The following TBC1D4 variants were observed in gnomAD, a reference collection of about 807,000 sequenced individuals.
TBC1D4 encodes TBC1 domain family member 4, also known as TBC (Tre-2, BUB2, CDC16) domain-containing protein.
In TBC1D4, 121 loss-of-function variants were observed where a neutral mutation model predicts 142.5. The ratio of observed to expected loss-of-function variants is 0.85; its 90% CI spans 0.73 to 0.99. The LOEUF (loss-of-function observed/expected upper bound fraction) is 0.99, where lower values mean the gene tolerates loss of function less well. Ranked by LOEUF, TBC1D4 falls within the 50% of genes least tolerant of loss-of-function variation. TBC1D4 has a pLI of 0.00. For synonymous variants in TBC1D4, 630 were observed against 628.2 expected, an observed-to-expected ratio of 1.00 and a Z score of -0.04; for missense variants, 1,475 against 1,606.6, an observed-to-expected ratio of 0.92 and a Z score of 1.40.
chr13:75,393,417 G>A (rs1373185992), intron 1 of TBC1D4, among the ~76,000 whole-genome samples: 3 of 152,008 alleles, frequency 2.0e-5, no homozygotes, highest in African/African-American at 7.3e-5. Context: ...GCCAGGCTCC[G>A]CTCCAAACAT....
intron 1 of TBC1D4, among the ~76,000 whole-genome samples, chr13:75,448,369 G>A (rs1407940909): frequency 1.3e-5 from 2 of 151,894 alleles, no homozygotes; most frequent in Admixed American, 6.6e-5. Flanking sequence ...GGAGTTCAAC[G>A]CCAGCCTGAC....
Position 75,299,627 on chromosome 13 carries a change from A to T in TBC1D4, c.2912-53T>A, listed in dbSNP as rs1170981154. On this transcript the variant is annotated intron_variant, in intron 16 of 20. Transcript: ENST00000377636. The stretch of plus-strand genomic sequence containing the variant: ...TTTGAAATGTCCTCATGCCTTGGAG[A>T]CAACAGTGAAATTGCAATTCAGTGA... 8 of 1,606,552 alleles carry T rather than the reference A, an allele frequency of 5.0e-6. No individual in the cohort carries two copies. The East Asian group carries it at 1.1e-4, about 22-fold the overall frequency.
At chr13:75,459,068 A>G (rs1887859694) in intron 1 of TBC1D4, among the ~76,000 whole-genome samples, 1 of 152,004 alleles carries the variant, frequency 6.6e-6, no homozygotes. Flanking sequence ...TAACCTAATT[A>G]CCAGCTCACT....
intron 1 of TBC1D4, among the ~76,000 whole-genome samples, chr13:75,386,364 A>G (rs1884166905): frequency 6.7e-6 from 1 of 150,080 alleles, no homozygotes; most frequent in South Asian, 2.1e-4. Context: ...TGCTTTTAAT[A>G]CAGATTTGCT....
chr13:75,309,860 T>C, intron 14 of TBC1D4, 82 bp downstream of exon 14: 1 of 1,373,774 alleles, frequency 7.3e-7, no homozygotes, highest in East Asian at 2.3e-5. Flanking sequence ...GTGCGGATAG[T>C]ATGTATGGGG....
At chr13:75,331,413 C>T (rs7322783) in intron 8 of TBC1D4, among the ~76,000 whole-genome samples, 120,907 of 152,018 alleles carry the variant, frequency 0.8, 49,505 homozygotes, top group South Asian at 0.95. Context: ...GGCGGGAAGA[C>T]TGTTTGAGCC....
rs188275064 is a variant in TBC1D4 at position 75,406,836 on chromosome 13, C to T, written c.499-44229G>A. On this transcript the variant is annotated intron_variant, in intron 1 of 20. Coordinates refer to ENST00000377636, the MANE Select transcript of TBC1D4 (RefSeq NM_014832.5). The stretch of plus-strand genomic sequence containing the variant: ...TTTATGGTAGTTTAATGTACAAAAA[C>T]GGAATCCAAAGCCTTGGACTTGGAA... Among the ~76,000 whole-genome samples, 82 of 152,208 alleles carry T rather than the reference C, an allele frequency of 5.4e-4. 1 individual carries two copies. The South Asian group carries it at 0.012, about 23-fold the overall frequency.
intron 17 of TBC1D4, among the ~76,000 whole-genome samples, chr13:75,297,737 A>C (rs944122980): frequency 9.9e-5 from 15 of 151,298 alleles, no homozygotes; most frequent in African/African-American, 2.9e-4. Context: ...TGCCTGGGTG[A>C]CAGAGCAAGA....
At position 75,362,072 on chromosome 13, in the gene TBC1D4, T is replaced by G. The variant is rs371090425; in HGVS notation, c.1034A>C (p.His345Pro). The G allele has an allele frequency of 4.3e-5, 70 of 1,613,888 alleles. No individual in the cohort carries two copies. In the East Asian group the frequency reaches 4.7e-4, roughly 11 times the overall value. ...PRRRHASAPS[H>P]VQPSDSEKNR... ...CTTCTCCGAGTCCGAGGGCTGGACG[T>G]GACTGGGTGCGCTCGCGTGTCTCCG... is the stretch of plus-strand genomic sequence containing the variant. Residue 345 changes from histidine (H) to proline (P), a missense_variant, in exon 2 of 21, where the codon CAC (histidine) becomes CCC (proline). Physicochemically the swap from His to Pro is moderately conservative, Grantham distance 77. Transcript: ENST00000377636. The surrounding 1 kb of genome is among the most constrained non-coding windows in gnomAD (Gnocchi z 4.2).
At chr13:75,324,747 A>C (rs531695872) in intron 10 of TBC1D4, among the ~76,000 whole-genome samples, 60 of 152,360 alleles carry the variant, frequency 3.9e-4, no homozygotes, top group African/African-American at 1.3e-3. Context: ...AAATAATTAC[A>C]GGAAACAAGT....
intron 1 of TBC1D4, among the ~76,000 whole-genome samples, chr13:75,456,492 G>T (rs935252656): frequency 1.3e-5 from 2 of 151,070 alleles, no homozygotes; most frequent in South Asian, 2.1e-4. Flanking sequence ...CAAAAGATCT[G>T]AACAAGCACT....
chr13:75,466,565 G>A (rs934611564), intron 1 of TBC1D4, among the ~76,000 whole-genome samples: 5 of 152,034 alleles, frequency 3.3e-5, no homozygotes, highest in African/African-American at 7.2e-5. Context: ...CGGTAGTAGC[G>A]TGGCTTTTAA....
chr13:75,339,820 C>T (rs1880534681), intron 7 of TBC1D4, among the ~76,000 whole-genome samples: 1 of 152,204 alleles, frequency 6.6e-6, no homozygotes, highest in South Asian at 2.1e-4. Context: ...GATTCACCAG[C>T]CTCAGCCTCC....
At chr13:75,363,034 C>G (rs994287325) in intron 1 of TBC1D4, among the ~76,000 whole-genome samples, 2 of 152,168 alleles carry the variant, frequency 1.3e-5, no homozygotes, top group African/African-American at 4.8e-5. Context: ...TCAGCATTAA[C>G]TATCAGAGAA....
intron 20 of TBC1D4, 54 bp downstream of exon 20, chr13:75,288,880 T>C (rs1397778439): frequency 6.4e-7 from 1 of 1,565,894 alleles, no homozygotes; most frequent in African/African-American, 1.4e-5. Context: ...GAGGTAGTTC[T>C]GTGCATGCAG....
chr13:75,367,027 C>T (rs759081250), intron 1 of TBC1D4: 8 of 972,324 alleles, frequency 8.2e-6, no homozygotes, highest in South Asian at 4.8e-5. Context: ...AATAAGCTGG[C>T]GGTATTTTCA....
At position 75,289,169 on chromosome 13, in the gene TBC1D4, T is replaced by G. The variant is rs542708163; in HGVS notation, c.3487-59A>C. ...TTGGTATGTATAACAAGATACAGCC[T>G]GTTTATCTTGGTATATTTCATGTAT... On this transcript the variant is annotated intron_variant, in intron 19 of 20. Coordinates refer to ENST00000377636, the MANE Select transcript of TBC1D4 (RefSeq NM_014832.5). 28 of 1,572,856 alleles carry G rather than the reference T, an allele frequency of 1.8e-5. No individual in the cohort carries two copies. In the Middle Eastern group the frequency reaches 6.7e-4, roughly 37 times the overall value.
intron 11 of TBC1D4, 139 bp downstream of exon 11, chr13:75,324,098 T>TA (rs1879009930): frequency 9.2e-6 from 9 of 976,536 alleles, no homozygotes; most frequent in South Asian, 1.5e-5. Context: ...TTGAAACCAA[T>TA]ATATTAGAAA....
At chr13:75,345,569 T>C (rs1251599791) in intron 5 of TBC1D4, among the ~76,000 whole-genome samples, 1 of 152,126 alleles carries the variant, frequency 6.6e-6, no homozygotes, top group African/African-American at 2.4e-5. Context: ...AATTCATAAT[T>C]GTTTATTACT....
Sources: allele counts gnomAD v4.1 joint callset (sites outside exome capture counted in the v4.1 genomes callset), GRCh38; gene constraint gnomAD v4.1.1; non-coding constraint Gnocchi (gnomAD v3.1); transcripts MANE v1.5; gene names NCBI Gene and HGNC (gene_info 2026-07-23, HGNC 2026-07-21).